QTMAN: variants seen among roughly 807,000 people sequenced by gnomAD.
The protein encoded by QTMAN is queuosine-tRNA mannosyltransferase, also known as tRNA-queuosine alpha-mannosyltransferase.
chr2:144,032,588 A>G, the QTMAN span, among the ~76,000 whole-genome samples: 1 of 152,192 alleles, frequency 6.6e-6, no homozygotes, highest in Non-Finnish European at 1.5e-5. Context: ...TATTTGTTGG[A>G]AAATGCACTC....
At chr2:144,038,118 G>A in the QTMAN span, among the ~76,000 whole-genome samples, 10 of 152,276 alleles carry the variant, frequency 6.6e-5, no homozygotes, top group South Asian at 1.2e-3. Context: ...GCAAGTGCTC[G>A]AGAAATGTTT....
At chr2:144,272,886 G>C in the QTMAN span, among the ~76,000 whole-genome samples, 1 of 152,084 alleles carries the variant, frequency 6.6e-6, no homozygotes, top group East Asian at 1.9e-4. Context: ...CATCTGAACT[G>C]CATGAAATTT....
the QTMAN span, among the ~76,000 whole-genome samples, chr2:144,223,590 T>C: frequency 6.6e-6 from 1 of 152,200 alleles, no homozygotes; most frequent in East Asian, 1.9e-4. Flanking sequence ...GGAATTCTTA[T>C]GACACTAAAA....
the QTMAN span, among the ~76,000 whole-genome samples, chr2:143,977,312 C>T: frequency 6.6e-6 from 1 of 152,030 alleles, no homozygotes; most frequent in Non-Finnish European, 1.5e-5. Flanking sequence ...CAAACAGGTA[C>T]AAATAAGTAG....
chr2:144,118,988 T>C, the QTMAN span, among the ~76,000 whole-genome samples: 1 of 152,192 alleles, frequency 6.6e-6, no homozygotes, highest in Admixed American at 6.5e-5. Context: ...AGGGTCTGGA[T>C]GCCTTGTTGG....
the QTMAN span, among the ~76,000 whole-genome samples, chr2:144,293,127 A>C: frequency 6.6e-6 from 1 of 152,360 alleles, no homozygotes; most frequent in African/African-American, 2.4e-5. Flanking sequence ...AGTCGACTCT[A>C]GTATTCAAAC....
the QTMAN span, among the ~76,000 whole-genome samples, chr2:144,159,438 A>G: frequency 6.6e-6 from 1 of 152,066 alleles, no homozygotes; most frequent in East Asian, 1.9e-4. Context: ...ACCGTCACCA[A>G]CCACTTTCTC....
At chr2:143,992,830 A>G in the QTMAN span, among the ~76,000 whole-genome samples, 1 of 152,180 alleles carries the variant, frequency 6.6e-6, no homozygotes, top group East Asian at 1.9e-4. Flanking sequence ...TTGGGTAATT[A>G]CTTAAAAAAT....
At chr2:144,092,587 G>A in the QTMAN span, among the ~76,000 whole-genome samples, 1 of 152,128 alleles carries the variant, frequency 6.6e-6, no homozygotes, top group African/African-American at 2.4e-5. Flanking sequence ...GTTAACAAAA[G>A]CAATAGTTTT....
chr2:144,332,591 C>T, the QTMAN span: 1 of 149,900 alleles, frequency 6.7e-6, no homozygotes, highest in Admixed American at 6.6e-5. Context: ...GCGTCAGGCG[C>T]TGGTCCCGCC....
the QTMAN span, among the ~76,000 whole-genome samples, chr2:144,233,066 A>G: frequency 6.6e-6 from 1 of 152,172 alleles, no homozygotes; most frequent in Admixed American, 6.6e-5. Flanking sequence ...TCAATTTGTA[A>G]AAGACATGAA....
At chr2:144,125,156 A>G in the QTMAN span, among the ~76,000 whole-genome samples, 1 of 152,124 alleles carries the variant, frequency 6.6e-6, no homozygotes, top group African/African-American at 2.4e-5. Context: ...AGCTCCAGCC[A>G]TTAAGAGCCA....
chr2:144,328,205 C>T, the QTMAN span, among the ~76,000 whole-genome samples: 1 of 152,158 alleles, frequency 6.6e-6, no homozygotes, highest in African/African-American at 2.4e-5. Flanking sequence ...CCAGTCTTGG[C>T]CTCCCAAAGT....
chr2:144,205,664 C>T, the QTMAN span, among the ~76,000 whole-genome samples: 1 of 152,126 alleles, frequency 6.6e-6, no homozygotes. Flanking sequence ...ATTGTAAGCA[C>T]CTGAGGGTGA....
At chr2:144,272,048 A>G in the QTMAN span, among the ~76,000 whole-genome samples, 1 of 152,314 alleles carries the variant, frequency 6.6e-6, no homozygotes, top group African/African-American at 2.4e-5. Flanking sequence ...ATGAAACTCC[A>G]TAAGCCCACA....
At chr2:144,150,636 C>A in the QTMAN span, among the ~76,000 whole-genome samples, 1 of 152,050 alleles carries the variant, frequency 6.6e-6, no homozygotes, top group African/African-American at 2.4e-5. Flanking sequence ...ACTGATTTTC[C>A]TGAACAGACC....
the QTMAN span, chr2:144,141,804 G>T: frequency 4.1e-5 from 44 of 1,066,622 alleles, 2 homozygotes; most frequent in South Asian, 6.8e-4. Flanking sequence ...GTTAAAACTG[G>T]CATGAAGAAC....
chr2:144,324,105 TG>T, the QTMAN span, among the ~76,000 whole-genome samples: 1 of 152,244 alleles, frequency 6.6e-6, no homozygotes, highest in Non-Finnish European at 1.5e-5. Flanking sequence ...TAAAGTATCC[TG>T]CCCAAGGTTA....
chr2:144,180,562 GA>G, the QTMAN span, among the ~76,000 whole-genome samples: 1,827 of 152,244 alleles, frequency 0.012, 17 homozygotes, highest in Non-Finnish European at 0.017. Flanking sequence ...AGCTAAATAG[GA>G]AGTTCTCAAA....
Sources: gnomAD v4.1 joint callset for allele counts (sites outside exome capture counted in the v4.1 genomes callset) on GRCh38, gnomAD v4.1.1 for gene constraint, MANE v1.5 for transcripts, NCBI Gene and HGNC (gene_info 2026-07-23, HGNC 2026-07-21) for gene names.